ADGRB1: variants seen among roughly 807,000 people sequenced by gnomAD.
ADGRB1 encodes the protein adhesion G protein-coupled receptor B1.
Under a neutral mutation model 175.7 loss-of-function variants are expected in ADGRB1, and 36 were observed. The observed-to-expected ratio is 0.20, with a 90% confidence interval of 0.16 to 0.27. The LOEUF (loss-of-function observed/expected upper bound fraction) is 0.27, where lower values mean the gene tolerates loss of function less well. Among genes scored for constraint, ADGRB1 ranks in the 10% least tolerant of loss-of-function variants. The pLI is 1.00. For missense variants in ADGRB1, 1,731 were observed against 2,255.3 expected (o/e 0.77, Z 4.71); for synonymous variants, 1,054 against 979.4 (o/e 1.08, Z -1.42).
chr8:142,496,158 T>G (rs1587344018), intron 17 of ADGRB1, among the ~76,000 whole-genome samples: 1 of 140,382 alleles, frequency 7.1e-6, no homozygotes, highest in African/African-American at 2.7e-5. Flanking sequence ...GGTGGGTGGG[T>G]GGATGGGTGC....
intron 13 of ADGRB1, 58 bp downstream of exon 13, chr8:142,484,822 C>A: frequency 7.6e-7 from 1 of 1,323,022 alleles, no homozygotes. Context: ...CTGGGCCAGG[C>A]CCTTCTGCCT....
At chr8:142,466,332 G>A (rs1489141295) in intron 2 of ADGRB1, among the ~76,000 whole-genome samples, 4 of 152,206 alleles carry the variant, frequency 2.6e-5, no homozygotes, top group Admixed American at 6.5e-5. Context: ...GGCTACGCAG[G>A]GCTACAGAGG....
At chr8:142,502,418 T>TGATGATGG (rs1842645347) in intron 17 of ADGRB1, among the ~76,000 whole-genome samples, 1 of 56,102 alleles carries the variant, frequency 1.8e-5, no homozygotes, top group Non-Finnish European at 4.2e-5. Flanking sequence ...GTGGTGGTGG[T>TGATGATGG]GATGGTGGTG....
In ADGRB1 at chr8:142,543,755, G is replaced by A. The variant is rs1186779028; in HGVS notation, c.4557+47G>A. 5 of 1,488,134 alleles carry A rather than the reference G, an allele frequency of 3.4e-6. No homozygotes were observed. The highest frequency in any genetic ancestry group is 4.9e-5 in the East Asian group (2 of 40,514). 92.2% of individuals were successfully genotyped at this position (1,488,134 alleles called of 1,614,324 possible). A position where few individuals can be genotyped will look rare whatever the true frequency, so the allele number is the denominator to read the frequency against. On this transcript the variant is annotated intron_variant, in intron 30 of 30. Transcript: ENST00000517894. This position sits in a 1 kb window ranked among gnomAD's most constrained non-coding sequence, Gnocchi z 4.4. ...GGGGTGGGGAGAGCCCTTAGGTCAG[G>A]CCACCGTCTCCCTTCTTCCCTGGAT...
At position 142,470,750 on chromosome 8, in the gene ADGRB1, G is replaced by A. The variant is rs192323647; in HGVS notation, c.785-4724G>A. ...GGGTGTGGGAGGCTTACTGCTGGCC[G>A]AGGGGCTGTGACCGGCCACGGAGAT... On this transcript the variant is annotated intron_variant, in intron 2 of 30. Coordinates refer to ENST00000517894, the MANE Select transcript of ADGRB1 (RefSeq NM_001702.3). Among the ~76,000 whole-genome samples, 268 of 152,290 alleles carry A rather than the reference G, an allele frequency of 1.8e-3. 1 individual carries two copies. The highest frequency in any genetic ancestry group is 5.3e-3 in the African/African-American group (221 of 41,566).
chr8:142,539,105 G>A (rs1845110480), intron 26 of ADGRB1, among the ~76,000 whole-genome samples: 1 of 152,156 alleles, frequency 6.6e-6, no homozygotes, highest in Non-Finnish European at 1.5e-5. Context: ...CAAACACAGG[G>A]ACACAAATTC....
chr8:142,469,241 A>G (rs1395131201), intron 2 of ADGRB1, among the ~76,000 whole-genome samples: 9 of 149,816 alleles, frequency 6.0e-5, no homozygotes, highest in South Asian at 2.1e-4. Flanking sequence ...GAATGTGTGC[A>G]CACATGCATG....
At chr8:142,502,402 G>A (rs1842638825) in intron 17 of ADGRB1, among the ~76,000 whole-genome samples, 8 of 137,844 alleles carry the variant, frequency 5.8e-5, no homozygotes, top group Admixed American at 7.1e-5. Flanking sequence ...GGTGGTGATG[G>A]TGGTGGTGGT....
At position 142,511,956 on chromosome 8, in the gene ADGRB1, G is replaced by A. The variant is rs1349825211; in HGVS notation, c.2817+883G>A. Among the ~76,000 whole-genome samples the A allele has an allele frequency of 6.6e-6, 1 of 152,234 alleles. No homozygotes were observed. Among genetic ancestry groups the A allele is most frequent in the Non-Finnish European group, 1.5e-5 (1 of 68,032 alleles). ...GGACCTGTCCTTCCTGGGTGTTGGA[G>A]GTGGCATTGCTGGCCCTTGGGGAAC... is the stretch of plus-strand genomic sequence containing the variant. On this transcript the variant is annotated intron_variant, in intron 18 of 30. Coordinates refer to ENST00000517894, the MANE Select transcript of ADGRB1 (RefSeq NM_001702.3). The surrounding 1 kb of genome is among the most constrained non-coding windows in gnomAD (Gnocchi z 4.5).
At chr8:142,525,466 C>G (rs1208159112) in intron 23 of ADGRB1, among the ~76,000 whole-genome samples, 1 of 152,122 alleles carries the variant, frequency 6.6e-6, no homozygotes, top group Non-Finnish European at 1.5e-5. Context: ...CCACGTGGGG[C>G]AGGCTGGGCA....
intron 1 of ADGRB1, among the ~76,000 whole-genome samples, chr8:142,457,190 G>C (rs912096008): frequency 6.6e-6 from 1 of 152,182 alleles, no homozygotes; most frequent in African/African-American, 2.4e-5. Context: ...AAGATGAGGG[G>C]TAACACAGCT....
chr8:142,502,910 A>G (rs947232661), intron 17 of ADGRB1, among the ~76,000 whole-genome samples: 1 of 151,026 alleles, frequency 6.6e-6, no homozygotes, highest in Admixed American at 6.6e-5. Flanking sequence ...TCTTGAGGTG[A>G]TGATTGTGGT....
chr8:142,476,929 G>C (rs980594138), intron 4 of ADGRB1, among the ~76,000 whole-genome samples, 185 bp from the exon 5 acceptor site: 1 of 152,184 alleles, frequency 6.6e-6, no homozygotes, highest in Non-Finnish European at 1.5e-5. Flanking sequence ...CCGGCCCTCA[G>C]GGCTCCCAGC....
Position 142,520,019 on chromosome 8 carries a change from ATGG to A in ADGRB1, c.2922-792_2922-790del, listed in dbSNP as rs1187049137. On this transcript the variant is annotated intron_variant, in intron 19 of 30. Coordinates refer to ENST00000517894, the MANE Select transcript of ADGRB1 (RefSeq NM_001702.3). ...GCTAGTGATTATGGTGATGGTGGTG[ATGG>A]TGGTGGTGGTGATGGTGGTAGTGAT... Among the ~76,000 whole-genome samples, 47 of 101,238 alleles carry A rather than the reference ATGG, an allele frequency of 4.6e-4. No homozygotes were observed. The East Asian group carries it at 6.3e-3, about 14-fold the overall frequency. The allele number at this position is 101,238 out of a possible 152,430, so 66.4% of individuals were successfully genotyped here.
intron 19 of ADGRB1, among the ~76,000 whole-genome samples, chr8:142,519,088 A>G (rs980510883): frequency 6.6e-6 from 1 of 152,120 alleles, no homozygotes; most frequent in African/African-American, 2.4e-5. Context: ...CTGAGGGGAC[A>G]GCATCCACTG....
intron 7 of ADGRB1, 24 bp downstream of exon 7, chr8:142,478,384 T>A (rs755979702): frequency 3.3e-5 from 52 of 1,568,220 alleles, no homozygotes; most frequent in Non-Finnish European, 4.4e-5. Flanking sequence ...CAGGCTGGGG[T>A]CGGGGGGCAC....
At chr8:142,520,375 G>GTACTGATTGTGA in intron 19 of ADGRB1, among the ~76,000 whole-genome samples, 1 of 57,682 alleles carries the variant, frequency 1.7e-5, no homozygotes, top group East Asian at 6.1e-4. Flanking sequence ...GGTGATGGTG[G>GTACTGATTGTGA]TGGTGGTGAT....
chr8:142,520,303 G>A (rs1231654401), intron 19 of ADGRB1, among the ~76,000 whole-genome samples: 1 of 151,724 alleles, frequency 6.6e-6, no homozygotes. Context: ...TGATAGTGGT[G>A]CTGATGGTGG....
chr8:142,533,314 T>A lies in ADGRB1; in HGVS notation c.3418T>A (p.Cys1140Ser). The part of the protein sequence containing the change: ...ERAGASLWSS[C>S]VVLPLLALTW... ...CCCCAGGGCCTCCCTGTGGAGCTCCTGCGTGGTGCTGCCGCTGCTGGCGCT... is the reference window on the plus strand; with the variant it reads ...CCCCAGGGCCTCCCTGTGGAGCTCCAGCGTGGTGCTGCCGCTGCTGGCGCT... Residue 1140 changes from cysteine to serine, a missense_variant, in exon 25 of 31, where the codon TGC becomes AGC. Cys to Ser is a moderately radical substitution (Grantham distance 112). Around this residue, in one of 8 missense-constraint regions of ADGRB1, gnomAD observed 301 missense variants for 488.4 expected, o/e 0.62. Coordinates refer to ENST00000517894, the MANE Select transcript of ADGRB1 (RefSeq NM_001702.3). 6.4e-7 allele frequency: 1 copy of A among 1,557,156 alleles called. No homozygotes were observed. Among genetic ancestry groups the A allele is most frequent in the African/African-American group, 1.4e-5 (1 of 74,046 alleles).
Sources: allele counts gnomAD v4.1 joint callset (sites outside exome capture counted in the v4.1 genomes callset), GRCh38; gene constraint gnomAD v4.1.1; regional missense constraint gnomAD v4.1.1; non-coding constraint Gnocchi (gnomAD v3.1); transcripts MANE v1.5; gene names NCBI Gene and HGNC (gene_info 2026-07-23, HGNC 2026-07-21).